TOP6BL: variants seen among roughly 807,000 people sequenced by gnomAD.
The protein encoded by TOP6BL is TOP6B like initiator of meiotic double strand breaks.
the TOP6BL span, among the ~76,000 whole-genome samples, chr11:66,763,290 C>T: frequency 5.3e-5 from 8 of 152,178 alleles, no homozygotes; most frequent in African/African-American, 1.7e-4. Flanking sequence ...TGTCTTGGCC[C>T]TCTGAATCTA....
chr11:66,809,802 T>A, the TOP6BL span, among the ~76,000 whole-genome samples: 24 of 152,274 alleles, frequency 1.6e-4, no homozygotes, highest in Admixed American at 1.5e-3. Context: ...CTTCTGGGGT[T>A]AAGCAGTCCT....
At chr11:66,840,859 C>T in the TOP6BL span, among the ~76,000 whole-genome samples, 1 of 152,150 alleles carries the variant, frequency 6.6e-6, no homozygotes, top group East Asian at 1.9e-4. Flanking sequence ...TCATCCTGCT[C>T]TCCCACCCAG....
the TOP6BL span, among the ~76,000 whole-genome samples, chr11:66,769,654 G>T: frequency 1.3e-5 from 2 of 152,128 alleles, no homozygotes; most frequent in South Asian, 4.1e-4. Flanking sequence ...CCTTTGGGAG[G>T]TAAGTGGGGT....
chr11:66,842,891 G>GC, the TOP6BL span: 8 of 1,575,248 alleles, frequency 5.1e-6, no homozygotes, highest in East Asian at 2.4e-5. Flanking sequence ...AAGAGGGGCA[G>GC]CCCCCGCATA....
At chr11:66,836,052 T>C in the TOP6BL span, among the ~76,000 whole-genome samples, 2 of 152,214 alleles carry the variant, frequency 1.3e-5, no homozygotes, top group Non-Finnish European at 2.9e-5. Context: ...TCATTAACTG[T>C]TGTCATTGTT....
At chr11:66,748,252 AT>A in the TOP6BL span, 2 of 740,092 alleles carry the variant, frequency 2.7e-6, no homozygotes, top group Non-Finnish European at 4.2e-6. Flanking sequence ...TAAATCTGAC[AT>A]TTTAGAAGCA....
the TOP6BL span, among the ~76,000 whole-genome samples, chr11:66,825,495 C>CA: frequency 0.26 from 36,147 of 140,114 alleles, 4,415 homozygotes; most frequent in Middle Eastern, 0.34. Context: ...CTGTCCCAAC[C>CA]AAAAAAAAAA....
the TOP6BL span, among the ~76,000 whole-genome samples, chr11:66,798,762 G>A: frequency 3.9e-5 from 6 of 152,014 alleles, no homozygotes; most frequent in South Asian, 6.2e-4. Context: ...TATGTTTAGG[G>A]AAAATACAAG....
the TOP6BL span, among the ~76,000 whole-genome samples, chr11:66,806,577 G>A: frequency 6.6e-6 from 1 of 152,150 alleles, no homozygotes; most frequent in Non-Finnish European, 1.5e-5. Context: ...AGACCAGCAT[G>A]GCCAACATGG....
the TOP6BL span, chr11:66,842,881 A>C: frequency 6.3e-7 from 1 of 1,575,416 alleles, no homozygotes; most frequent in Non-Finnish European, 8.6e-7. Context: ...CAAGAGGCTC[A>C]AGAGGGGCAG....
the TOP6BL span, among the ~76,000 whole-genome samples, chr11:66,765,496 AATG>A: frequency 6.6e-6 from 1 of 152,020 alleles, no homozygotes; most frequent in African/African-American, 2.4e-5. Flanking sequence ...TCCACTCAAT[AATG>A]CTAGTTATTC....
the TOP6BL span, among the ~76,000 whole-genome samples, chr11:66,757,652 T>C: frequency 1.3e-5 from 2 of 152,148 alleles, no homozygotes; most frequent in African/African-American, 4.8e-5. Context: ...AATGGTGCAA[T>C]CTCGGCTTAC....
At chr11:66,801,557 C>T in the TOP6BL span, among the ~76,000 whole-genome samples, 1 of 152,178 alleles carries the variant, frequency 6.6e-6, no homozygotes, top group East Asian at 1.9e-4. Flanking sequence ...TAAATCTGGC[C>T]AGGCGCAGTG....
At chr11:66,791,656 A>G in the TOP6BL span, among the ~76,000 whole-genome samples, 3 of 152,168 alleles carry the variant, frequency 2.0e-5, no homozygotes, top group Admixed American at 6.5e-5. Flanking sequence ...ATGATTCAAT[A>G]GTAGTTTCTG....
At chr11:66,765,499 G>A in the TOP6BL span, among the ~76,000 whole-genome samples, 9,571 of 152,048 alleles carry the variant, frequency 0.063, 380 homozygotes, top group East Asian at 0.12. Flanking sequence ...ACTCAATAAT[G>A]CTAGTTATTC....
the TOP6BL span, among the ~76,000 whole-genome samples, chr11:66,763,471 CATTATT>C: frequency 2.5e-4 from 38 of 151,600 alleles, no homozygotes; most frequent in Non-Finnish European, 4.6e-4. Context: ...AGATTTTAAA[CATTATT>C]ATTATTATTA....
the TOP6BL span, chr11:66,762,454 C>A: frequency 3.5e-6 from 1 of 286,362 alleles, no homozygotes. Flanking sequence ...GGCCTAGGTA[C>A]CCAGAGTACC....
chr11:66,756,684 C>G, the TOP6BL span, among the ~76,000 whole-genome samples: 1 of 152,196 alleles, frequency 6.6e-6, no homozygotes, highest in East Asian at 1.9e-4. Flanking sequence ...CTCTATAGAA[C>G]AGAAGATTAT....
chr11:66,825,598 C>G, the TOP6BL span, among the ~76,000 whole-genome samples: 1 of 152,134 alleles, frequency 6.6e-6, no homozygotes, highest in Admixed American at 6.5e-5. Context: ...TCACCAGAAC[C>G]TGACCATGCT....
Sources: allele counts gnomAD v4.1 joint callset (sites outside exome capture counted in the v4.1 genomes callset), GRCh38; gene constraint gnomAD v4.1.1; transcripts MANE v1.5; gene names NCBI Gene and HGNC (gene_info 2026-07-23, HGNC 2026-07-21).